Variants in CUX1 observed in about 807,000 individuals in gnomAD.
CUX1 encodes the protein protein CASP.
CUX1 carries 31 observed loss-of-function variants against 158.8 expected under a neutral mutation model. The ratio of observed to expected loss-of-function variants is 0.20; its 90% CI spans 0.15 to 0.26. The LOEUF is 0.26. Among genes scored for constraint, CUX1 ranks in the 10% least tolerant of loss-of-function variants. The pLI is 1.00. For synonymous variants in CUX1, 879 were observed against 862.1 expected (o/e 1.02, Z -0.34); for missense variants, 1,589 against 2,014.6 (o/e 0.79, Z 4.04).
chr7:101,866,306 AAAAAC>A (rs759554428), intron 1 of CUX1, among the ~76,000 whole-genome samples: 104 of 151,722 alleles, frequency 6.9e-4, no homozygotes, highest in Non-Finnish European at 1.3e-3. Flanking sequence ...TACTTAAAAA[AAAAAC>A]AAAACAAAAA....
intron 4 of CUX1, among the ~76,000 whole-genome samples, chr7:102,073,177 T>TTTTTTTTTTTTG (rs1826339028): frequency 7.9e-6 from 1 of 126,506 alleles, no homozygotes; most frequent in South Asian, 2.8e-4. Context: ...TTTTTTTTTT[T>TTTTTTTTTTTTG]TTTTTTTTTT....
chr7:102,220,659 A>G (rs2132273898), intron 20 of CUX1, among the ~76,000 whole-genome samples: 1 of 152,190 alleles, frequency 6.6e-6, no homozygotes. Flanking sequence ...GCATGCCCAC[A>G]CCGGGCACCT....
At chr7:101,871,784 A>C (rs1388920434) in intron 1 of CUX1, among the ~76,000 whole-genome samples, 3 of 152,126 alleles carry the variant, frequency 2.0e-5, no homozygotes, top group African/African-American at 2.4e-5. Flanking sequence ...TTGGGAGGCC[A>C]AGGCGGGTGG....
intron 1 of CUX1, among the ~76,000 whole-genome samples, chr7:101,888,258 G>A (rs1250398259): frequency 1.3e-5 from 2 of 152,052 alleles, no homozygotes; most frequent in South Asian, 4.1e-4. Context: ...TTGAACCCAG[G>A]AGACGGAGGT....
At chr7:102,152,401 A>ATTTTTGTTTGTTTG (rs367794233) in intron 8 of CUX1, among the ~76,000 whole-genome samples, 25 of 152,006 alleles carry the variant, frequency 1.6e-4, no homozygotes, top group African/African-American at 5.6e-4. Flanking sequence ...AAACATACAG[A>ATTTTTGTTTGTTTG]TTTTTGTTTG....
intron 2 of CUX1, among the ~76,000 whole-genome samples, chr7:102,002,575 C>T (rs941316318): frequency 1.3e-5 from 2 of 152,234 alleles, no homozygotes; most frequent in African/African-American, 4.8e-5. Context: ...CCTCCCTGCC[C>T]TGGCATTGGT....
rs371759952 is a variant in CUX1, at chr7:101,924,854, C to T, written c.141+8629C>T. 2.0e-3 allele frequency among the ~76,000 whole-genome samples: 301 copies of T among 152,222 alleles called. 3 individuals carry two copies. The highest frequency in any genetic ancestry group is 7.0e-3 in the African/African-American group (291 of 41,544). ...CCTCCCAAAATGTTGGGATTACCGG[C>T]GTGAGCCACCACACCTGGCCTTTGA... On this transcript the variant is annotated intron_variant, in intron 2 of 23. Coordinates refer to ENST00000292535, the MANE Select transcript of CUX1 (RefSeq NM_181552.4).
chr7:101,943,078 CTT>C (rs58332486), intron 2 of CUX1, among the ~76,000 whole-genome samples: 1,218 of 80,338 alleles, frequency 0.015, 7 homozygotes, highest in African/African-American at 0.031. Flanking sequence ...CTGGTCAGTG[CTT>C]TTTTTTTTTT....
intron 1 of CUX1, among the ~76,000 whole-genome samples, chr7:101,880,949 C>G (rs1305909566): frequency 6.6e-6 from 1 of 152,212 alleles, no homozygotes; most frequent in Non-Finnish European, 1.5e-5. Flanking sequence ...GCTGCTCATC[C>G]CATGTCCAAT....
Position 102,060,608 on chromosome 7 carries a change from A to AACACACACACACACAC in CUX1, c.190-9710_190-9695dup, listed in dbSNP as rs58786987. Among the ~76,000 whole-genome samples, 323 of 133,304 alleles carry AACACACACACACACAC rather than the reference A, an allele frequency of 2.4e-3. 2 individuals carry two copies. Among genetic ancestry groups the AACACACACACACACAC allele is most frequent in the East Asian group, 0.017 (72 of 4,330 alleles). 87.5% of individuals were successfully genotyped at this position (133,304 alleles called of 152,430 possible). ...ATATATATATACACACACACAAATAAACACACACACACACACACACACACA... is the reference window on the plus strand; with the variant it reads ...ATATATATATACACACACACAAATAAACACACACACACACACACACACACACACACACACACACACA... On this transcript the variant is annotated intron_variant, in intron 3 of 23. Coordinates refer to ENST00000292535, the MANE Select transcript of CUX1 (RefSeq NM_181552.4).
rs892949696 is a variant in CUX1, at chr7:102,021,307, AT to A, written c.142-6782del. 5.1e-4 allele frequency among the ~76,000 whole-genome samples: 77 copies of A among 151,474 alleles called. 3 individuals are homozygous for A. The South Asian group carries it at 0.013, about 25-fold the overall frequency. ...CATCCAGAAAAACCTGGATTATCAG[AT>A]TTTTTTTTCCCCCATTTGGAGACAG... On this transcript the variant is annotated intron_variant, in intron 2 of 23. Coordinates refer to ENST00000292535, the MANE Select transcript of CUX1 (RefSeq NM_181552.4).
chr7:101,821,378 G>A (rs1372552564), intron 1 of CUX1, among the ~76,000 whole-genome samples: 8 of 147,388 alleles, frequency 5.4e-5, no homozygotes, highest in South Asian at 4.3e-4. Flanking sequence ...TCGCTCTTTC[G>A]CCCAGGCCGG....
chr7:101,996,790 A>G (rs1392125667), intron 2 of CUX1, among the ~76,000 whole-genome samples: 1 of 151,212 alleles, frequency 6.6e-6, no homozygotes, highest in Non-Finnish European at 1.5e-5. Flanking sequence ...GCCCCAGGCT[A>G]TCTTCTCTTT....
intron 8 of CUX1, among the ~76,000 whole-genome samples, chr7:102,118,735 G>T (rs1831699771): frequency 6.6e-6 from 1 of 151,690 alleles, no homozygotes; most frequent in South Asian, 2.1e-4. Context: ...GTCACTGGGT[G>T]GTTTTTGTTG....
At chr7:101,988,688 T>C (rs1442434359) in intron 2 of CUX1, among the ~76,000 whole-genome samples, 1 of 152,126 alleles carries the variant, frequency 6.6e-6, no homozygotes, top group African/African-American at 2.4e-5. Context: ...CCCAGGTTCC[T>C]TGCGACAGAG....
rs536436127 is a variant in CUX1, at chr7:101,900,358, G to A, written c.31-15757G>A. ...AGGCAGCGAAGGAATCACTTGCGAC[G>A]CCCGCTCTCTCTGCCATACGAGTGT... On this transcript the variant is annotated intron_variant, in intron 1 of 23. Transcript: ENST00000292535. Among the ~76,000 whole-genome samples the A allele has an allele frequency of 3.0e-4, 46 of 152,276 alleles. 1 individual carries two copies. The South Asian group carries it at 9.3e-3, about 31-fold the overall frequency.
chr7:102,255,035 T>G lies in CUX1; in HGVS notation c.*5993T>G. 1 of 985,254 alleles carries G rather than the reference T, an allele frequency of 1.0e-6. No homozygotes were observed. The highest frequency in any genetic ancestry group is 1.2e-6 in the Non-Finnish European group (1 of 829,980). 61.0% of individuals were successfully genotyped at this position (985,254 alleles called of 1,614,324 possible). ...AATCAGGACGGAAGAGGAGGGGGTGTGGGGGGCAGAGCGTAAAACAAGCCC... is the reference window on the plus strand; with the variant it reads ...AATCAGGACGGAAGAGGAGGGGGTGGGGGGGGCAGAGCGTAAAACAAGCCC... On this transcript the variant is annotated 3_prime_UTR_variant, in exon 24 of 24. Transcript: ENST00000292535.
At position 102,257,678 on chromosome 7, in the gene CUX1, T is replaced by C; in HGVS notation, c.*8636T>C. 1.0e-6 allele frequency: 1 copy of C among 985,376 alleles called. No homozygotes were observed. The highest frequency in any genetic ancestry group is 1.2e-6 in the Non-Finnish European group (1 of 829,936). 61.0% of individuals were successfully genotyped at this position (985,376 alleles called of 1,614,324 possible). ...ACGCACTCACAGGGTGGCGGAATCT[T>C]CCGGAAAACTCTCTATAAGCTCAGC... On this transcript the variant is annotated 3_prime_UTR_variant, in exon 24 of 24. Coordinates refer to ENST00000292535, the MANE Select transcript of CUX1 (RefSeq NM_181552.4).
At chr7:101,987,216 G>A (rs1814425483) in intron 2 of CUX1, among the ~76,000 whole-genome samples, 2 of 152,182 alleles carry the variant, frequency 1.3e-5, no homozygotes, top group Admixed American at 6.5e-5. Flanking sequence ...GCACATCATC[G>A]ATGAATGAGT....
Sources: gnomAD v4.1 joint callset for allele counts (sites outside exome capture counted in the v4.1 genomes callset) on GRCh38, gnomAD v4.1.1 for gene constraint, MANE v1.5 for transcripts, NCBI Gene and HGNC (gene_info 2026-07-23, HGNC 2026-07-21) for gene names.